PRKCH: variants seen among roughly 807,000 people sequenced by gnomAD.
PRKCH encodes protein kinase C eta.
Under a neutral mutation model 82.5 loss-of-function variants are expected in PRKCH, and 28 were observed. The observed-to-expected ratio is 0.34, with a 90% CI of 0.25 to 0.47. The LOEUF (loss-of-function observed/expected upper bound fraction) is 0.47, where lower values mean the gene tolerates loss of function less well. Among genes scored for constraint, PRKCH ranks in the 20% least tolerant of loss-of-function variants. The pLI is 1.00. For synonymous variants in PRKCH, 322 were observed against 327.4 expected, an observed-to-expected ratio of 0.98 and a Z score of 0.18; for missense variants, 705 against 881.8, an observed-to-expected ratio of 0.80 and a Z score of 2.54.
At chr14:61,362,273 C>T (rs60087602) in intron 1 of PRKCH, among the ~76,000 whole-genome samples, 1 of 148,010 alleles carries the variant, frequency 6.8e-6, no homozygotes, top group Non-Finnish European at 1.5e-5. Flanking sequence ...CCCAGGAATT[C>T]GAGGTTACAG....
Position 61,420,613 on chromosome 14 carries a change from T to G in PRKCH, c.428-22498T>G, listed in dbSNP as rs2140245042. On this transcript the variant is annotated intron_variant, in intron 2 of 13. Coordinates refer to ENST00000332981, the MANE Select transcript of PRKCH (RefSeq NM_006255.5). ...AAGGACTCTCTCTGTGTTTTGTTTG[T>G]TTGGTTGCTTGTGAAGATCTCTGGG... is the stretch of plus-strand genomic sequence containing the variant. Among the ~76,000 whole-genome samples the G allele has an allele frequency of 2.0e-5, 3 of 152,316 alleles. No individual in the cohort carries two copies. The South Asian group carries it at 6.2e-4, about 32-fold the overall frequency.
chr14:61,533,662 G>A (rs1231077691), intron 12 of PRKCH, among the ~76,000 whole-genome samples: 3 of 152,190 alleles, frequency 2.0e-5, no homozygotes, highest in African/African-American at 4.8e-5. Flanking sequence ...TTGGGCAAAT[G>A]GCCTAATTCT....
intron 12 of PRKCH, among the ~76,000 whole-genome samples, chr14:61,542,965 T>A (rs1479296849): frequency 1.3e-5 from 2 of 152,178 alleles, no homozygotes; most frequent in East Asian, 3.8e-4. Flanking sequence ...ATCATAACTT[T>A]TTAAAATATA....
In PRKCH at chr14:61,303,635, A is replaced by G. The variant is rs2045463477; in HGVS notation, c.-19+115967A>G. ...ATCTTGCTTTTTATTCATCCTTGCA[A>G]TCTTTTTCTTTTCTTTGGACTGTTT... On this transcript the variant is annotated intron_variant, in intron 1 of 3. Transcript: ENST00000555185. The G allele has an allele frequency of 2.6e-5, 4 of 152,018 alleles. No individual in the cohort carries two copies. In the South Asian group the frequency reaches 8.3e-4, roughly 32 times the overall value. The allele number at this position is 152,018 out of a possible 1,614,324, so 9.4% of individuals were successfully genotyped here.
At chr14:61,396,790 G>A (rs746569706) in intron 2 of PRKCH, among the ~76,000 whole-genome samples, 7 of 152,172 alleles carry the variant, frequency 4.6e-5, no homozygotes, top group Non-Finnish European at 1.0e-4. Flanking sequence ...GAAGATTGGG[G>A]AGTGGGATGG....
intron 1 of PRKCH, among the ~76,000 whole-genome samples, chr14:61,349,835 T>C (rs988201783): frequency 6.6e-6 from 1 of 152,026 alleles, no homozygotes; most frequent in Non-Finnish European, 1.5e-5. Flanking sequence ...CCCTCCAGCC[T>C]GGGCAACAGA....
chr14:61,262,619 G>A (rs749104296), intron 1 of PRKCH, among the ~76,000 whole-genome samples: 9 of 152,156 alleles, frequency 5.9e-5, no homozygotes, highest in Non-Finnish European at 8.8e-5. Context: ...TCATGGTTAC[G>A]TTTGTGAATA....
At chr14:61,462,026 G>A (rs751663850) in intron 9 of PRKCH, among the ~76,000 whole-genome samples, 4 of 152,210 alleles carry the variant, frequency 2.6e-5, no homozygotes, top group Admixed American at 6.5e-5. Flanking sequence ...AGATGTGTGT[G>A]TTGTAGTAGA....
At chr14:61,385,186 C>T (rs1239299829) in intron 1 of PRKCH, among the ~76,000 whole-genome samples, 1 of 150,700 alleles carries the variant, frequency 6.6e-6, no homozygotes, top group East Asian at 1.9e-4. Flanking sequence ...CTATGTGGGG[C>T]TGCCCTAGAC....
intron 1 of PRKCH, among the ~76,000 whole-genome samples, chr14:61,358,823 T>C (rs2046185219): frequency 6.6e-6 from 1 of 152,280 alleles, no homozygotes; most frequent in East Asian, 1.9e-4. Flanking sequence ...CCCTGCTCTT[T>C]AGGCTCTTTC....
At chr14:61,446,124 C>T (rs1459877770) in intron 4 of PRKCH, among the ~76,000 whole-genome samples, 1 of 147,290 alleles carries the variant, frequency 6.8e-6, no homozygotes, top group African/African-American at 2.5e-5. Context: ...TTTCCCCGTC[C>T]AGGGAACATA....
intron 7 of PRKCH, among the ~76,000 whole-genome samples, chr14:61,455,262 G>A (rs912199593): frequency 6.0e-5 from 9 of 149,408 alleles, no homozygotes; most frequent in Non-Finnish European, 1.3e-4. Context: ...GGATGGTCTC[G>A]ATCTCCTGAC....
chr14:61,478,269 G>A (rs1374237069), intron 9 of PRKCH, among the ~76,000 whole-genome samples: 1 of 152,158 alleles, frequency 6.6e-6, no homozygotes, highest in African/African-American at 2.4e-5. Flanking sequence ...AGTGAGTTTT[G>A]TGAGAGAGAA....
At chr14:61,536,829 G>C (rs1365404527) in intron 12 of PRKCH, among the ~76,000 whole-genome samples, 3 of 151,998 alleles carry the variant, frequency 2.0e-5, no homozygotes, top group African/African-American at 7.3e-5. Flanking sequence ...GTCCCCACAG[G>C]CCCTCCCTGT....
intron 1 of PRKCH, among the ~76,000 whole-genome samples, chr14:61,258,749 C>T (rs776447647): frequency 6.6e-6 from 1 of 152,156 alleles, no homozygotes; most frequent in Non-Finnish European, 1.5e-5. Flanking sequence ...TTTATATTTG[C>T]AAAATATTTT....
intron 1 of PRKCH, among the ~76,000 whole-genome samples, chr14:61,222,260 A>G (rs1436378756): frequency 1.3e-5 from 2 of 152,210 alleles, no homozygotes; most frequent in Admixed American, 6.5e-5. Flanking sequence ...AATGATTTTC[A>G]TAAGGAAATC....
chr14:61,188,294 T>C, intron 1 of PRKCH, among the ~76,000 whole-genome samples: 1 of 152,152 alleles, frequency 6.6e-6, no homozygotes, highest in East Asian at 1.9e-4. Context: ...CAACTTTCTG[T>C]GCCTGTCAAG....
intron 1 of PRKCH, among the ~76,000 whole-genome samples, chr14:61,208,861 T>C (rs1016680166): frequency 6.6e-6 from 1 of 152,186 alleles, no homozygotes; most frequent in African/African-American, 2.4e-5. Flanking sequence ...CCCAATATGA[T>C]GGTATTTGTA....
At chr14:61,367,730 T>A (rs1403553551) in intron 1 of PRKCH, among the ~76,000 whole-genome samples, 8 of 151,384 alleles carry the variant, frequency 5.3e-5, no homozygotes, top group Non-Finnish European at 1.2e-4. Context: ...TTTTTTTTTT[T>A]TTTTTAAACA....
Sources: allele counts gnomAD v4.1 joint callset (sites outside exome capture counted in the v4.1 genomes callset), GRCh38; gene constraint gnomAD v4.1.1; transcripts MANE v1.5; gene names NCBI Gene and HGNC (gene_info 2026-07-23, HGNC 2026-07-21).